Variants in SPTAN1 observed in about 807,000 individuals in gnomAD.
SPTAN1 encodes spectrin alpha chain, non-erythrocytic 1.
Under a neutral mutation model 331.3 loss-of-function variants are expected in SPTAN1, and 61 were observed. That is an observed-to-expected ratio of 0.18 (90% CI 0.15 to 0.23). SPTAN1 has a LOEUF of 0.23. SPTAN1 is among the 10% of genes least tolerant of loss of function. SPTAN1 has a pLI of 1.00. For synonymous variants in SPTAN1, 1,153 were observed against 1,173.9 expected, an observed-to-expected ratio of 0.98 and a Z score of 0.36; for missense variants, 2,043 against 3,147.9, an observed-to-expected ratio of 0.65 and a Z score of 8.40.
chr9:128,627,899 C>T lies in SPTAN1; in HGVS notation c.6690-26C>T, dbSNP rs767967588. 13 of 1,613,942 alleles carry T rather than the reference C, an allele frequency of 8.1e-6. No homozygotes were observed. The highest frequency in any genetic ancestry group is 6.7e-5 in the African/African-American group (5 of 74,898). On this transcript the variant is annotated intron_variant, in intron 50 of 56. Transcript: ENST00000372739. The surrounding 1 kb of genome is among the most constrained non-coding windows in gnomAD (Gnocchi z 4.9). The stretch of plus-strand genomic sequence containing the variant: ...GTTGTCCGGACACCACCTTGTCTCC[C>T]GGCTGCTTGGATCTGCTCTCCACAG...
chr9:128,555,299 C>T, intron 1 of SPTAN1: 4 of 1,189,164 alleles, frequency 3.4e-6, no homozygotes, highest in East Asian at 1.2e-4. Context: ...TGATTTTGTT[C>T]CGTTTGCCCT....
intron 26 of SPTAN1, 166 bp downstream of exon 26, chr9:128,599,152 T>C (rs1472466290): frequency 1.3e-6 from 1 of 742,170 alleles, no homozygotes; most frequent in Admixed American, 2.0e-5. Context: ...TCTTTTTTTT[T>C]GAGACGGAGT....
intron 1 of SPTAN1, 64 bp from the exon 2 acceptor site, chr9:128,566,674 C>T (rs1850074207): frequency 6.2e-7 from 1 of 1,609,414 alleles, no homozygotes; most frequent in Non-Finnish European, 8.5e-7. Flanking sequence ...TTCAGAGAGG[C>T]TAATTACTTT....
intron 1 of SPTAN1, among the ~76,000 whole-genome samples, chr9:128,558,614 C>T (rs1848928734): frequency 6.6e-6 from 1 of 152,166 alleles, no homozygotes; most frequent in African/African-American, 2.4e-5. Context: ...TTTAATGGCA[C>T]GTTTCCCAGA....
At chr9:128,585,178 C>G (rs1852432289) in intron 18 of SPTAN1, among the ~76,000 whole-genome samples, 1 of 152,000 alleles carries the variant, frequency 6.6e-6, no homozygotes, top group Non-Finnish European at 1.5e-5. Flanking sequence ...CCATACCCAG[C>G]TAATTTTTGT....
chr9:128,584,205 A>C, intron 16 of SPTAN1, 77 bp from the exon 17 acceptor site: 2 of 1,606,224 alleles, frequency 1.2e-6, no homozygotes, highest in Non-Finnish European at 1.7e-6. Flanking sequence ...AATGGAAAAA[A>C]GACCTTATCA....
chr9:128,630,737 C>T (rs1269415997), intron 52 of SPTAN1: 1 of 290,220 alleles, frequency 3.4e-6, no homozygotes, highest in African/African-American at 2.2e-5. Flanking sequence ...GAGTTTCACT[C>T]TTGTTGCCCA....
intron 9 of SPTAN1, among the ~76,000 whole-genome samples, chr9:128,579,216 C>G (rs1851661570): frequency 6.6e-6 from 1 of 151,882 alleles, no homozygotes; most frequent in Admixed American, 6.6e-5. Context: ...TAAGCTGATT[C>G]CAAAACTGAT....
Position 128,633,400 on chromosome 9 carries a change from CTG to C in SPTAN1, c.*71_*72del. The C allele has an allele frequency of 6.2e-7, 1 of 1,609,274 alleles. No individual in the cohort carries two copies. On this transcript the variant is annotated 3_prime_UTR_variant, in exon 57 of 57. Transcript: ENST00000372739. The stretch of plus-strand genomic sequence containing the variant: ...GTCGCCTTGCTGCATGTCCGCTCCT[CTG>C]TGTGCTCTCACTTTCCACTGTAACC...
At chr9:128,587,841 T>A (rs1852858294) in intron 20 of SPTAN1, 143 bp downstream of exon 20, 1 of 618,880 alleles carries the variant, frequency 1.6e-6, no homozygotes, top group Admixed American at 2.6e-5. Flanking sequence ...AAAATAAGAT[T>A]TATTTATTTA....
intron 36 of SPTAN1, 149 bp downstream of exon 36, chr9:128,609,433 T>A: frequency 1.6e-6 from 2 of 1,284,688 alleles, no homozygotes; most frequent in Non-Finnish European, 2.2e-6. Flanking sequence ...GGGAAAGCCC[T>A]AGTCAAGTTT....
rs114745823 is a variant in SPTAN1, at chr9:128,612,222, G to A, written c.5019G>A (p.Lys1673=). Residue 1673 remains lysine, a synonymous_variant, in exon 39 of 57, where the codon AAG becomes AAA. Transcript: ENST00000372739. Reference sequence around the variant, plus strand: ...AGCAGAACTTCAACACAGGGATCAAGGACTTTGACTTCTGGCTGTCTGAGG... The same window carrying A: ...AGCAGAACTTCAACACAGGGATCAAAGACTTTGACTTCTGGCTGTCTGAGG... The part of the protein sequence containing the change: ...NKQQNFNTGI[K]DFDFWLSEVE... 7.4e-4 allele frequency: 1,187 copies of A among 1,614,092 alleles called. 10 individuals are homozygous for A. The African/African-American group carries it at 0.014, about 19-fold the overall frequency.
chr9:128,598,553 C>A, intron 25 of SPTAN1, 49 bp downstream of exon 25: 3 of 1,385,012 alleles, frequency 2.2e-6, no homozygotes, highest in Non-Finnish European at 3.0e-6. Context: ...AAGGATGCAG[C>A]TTTGTTCCTC....
chr9:128,569,046 C>A, intron 3 of SPTAN1, 149 bp downstream of exon 3: 2 of 1,023,314 alleles, frequency 2.0e-6, no homozygotes, highest in Non-Finnish European at 1.5e-6. Flanking sequence ...TTACCCGAAT[C>A]CTGCCTTTGT....
At chr9:128,566,188 C>T (rs1212087017) in intron 1 of SPTAN1, among the ~76,000 whole-genome samples, 1 of 152,186 alleles carries the variant, frequency 6.6e-6, no homozygotes, top group African/African-American at 2.4e-5. Context: ...TCCTGAGTAG[C>T]TGGTACCATA....
chr9:128,627,615 A>T lies in SPTAN1; in HGVS notation c.6689+117A>T, dbSNP rs752281557. The T allele has an allele frequency of 3.1e-5, 34 of 1,091,486 alleles. No individual in the cohort carries two copies. In the Admixed American group the frequency reaches 3.8e-4, roughly 12 times the overall value. 67.6% of individuals were successfully genotyped at this position (1,091,486 alleles called of 1,614,324 possible). On this transcript the variant is annotated intron_variant, in intron 50 of 56. Coordinates refer to ENST00000372739, the MANE Select transcript of SPTAN1 (RefSeq NM_001130438.3). The surrounding 1 kb of genome is among the most constrained non-coding windows in gnomAD (Gnocchi z 4.9). ...TGTGTAAAACCAGAGGCAGCCTGGG[A>T]ATAAAGCTGGGCTGGCAACGCCTGG...
intron 19 of SPTAN1, 48 bp downstream of exon 19, chr9:128,586,013 G>C: frequency 6.4e-7 from 1 of 1,566,498 alleles, no homozygotes; most frequent in Non-Finnish European, 8.8e-7. Flanking sequence ...GTGGAACAGG[G>C]CTTGTACTGA....
chr9:128,607,962 A>C lies in SPTAN1; in HGVS notation c.4257A>C (p.Lys1419Asn). ...GHYASPEIKQKLDILDQERAD... is the reference protein window; with the variant it reads ...GHYASPEIKQNLDILDQERAD... ...ATGCCAGCCCTGAGATCAAGCAGAA[A>C]CTTGATATTCTTGACCAGGAGCGTG... Residue 1419 changes from lysine to asparagine, a missense_variant, in exon 33 of 57, where the codon AAA (lysine) becomes AAC (asparagine). Physicochemically the swap from Lys to Asn is moderately conservative, Grantham distance 94 (BLOSUM62 0). Around this residue, in one of 12 missense-constraint regions of SPTAN1, gnomAD observed 179 missense variants for 215.7 expected, o/e 0.83. Coordinates refer to ENST00000372739, the MANE Select transcript of SPTAN1 (RefSeq NM_001130438.3). 1 of 1,614,010 alleles carries C rather than the reference A, an allele frequency of 6.2e-7. No individual in the cohort carries two copies. The highest frequency in any genetic ancestry group is 8.5e-7 in the Non-Finnish European group (1 of 1,180,012).
chr9:128,557,592 C>A (rs982198922), intron 1 of SPTAN1, among the ~76,000 whole-genome samples: 7 of 151,514 alleles, frequency 4.6e-5, no homozygotes, highest in Admixed American at 1.3e-4. Flanking sequence ...CAAATACCCC[C>A]AAATTTTTAT....
Sources: gnomAD v4.1 joint callset for allele counts (sites outside exome capture counted in the v4.1 genomes callset) on GRCh38, gnomAD v4.1.1 for gene constraint, gnomAD v4.1.1 regional missense constraint, Gnocchi (gnomAD v3.1) non-coding constraint, MANE v1.5 for transcripts, NCBI Gene and HGNC (gene_info 2026-07-23, HGNC 2026-07-21) for gene names.